API5: variants seen among roughly 807,000 people sequenced by gnomAD.
API5 encodes the protein FIF.
API5 carries 6 observed loss-of-function variants against 71.9 expected under a neutral mutation model. The observed-to-expected ratio is 0.08, with a 90% confidence interval of 0.05 to 0.16. The LOEUF is 0.16. Among genes scored for constraint, API5 ranks in the 10% least tolerant of loss-of-function variants. The pLI is 1.00. For synonymous variants in API5, 189 were observed against 221.3 expected (o/e 0.85, Z 1.30); for missense variants, 332 against 612.8 (o/e 0.54, Z 4.84).
chr11:43,336,367 T>G (rs1371948664), intron 13 of API5: 3 of 274,800 alleles, frequency 1.1e-5, no homozygotes, highest in African/African-American at 4.4e-5. Flanking sequence ...TTCTGAGAGA[T>G]AGTATAAATG....
intron 6 of API5, among the ~76,000 whole-genome samples, chr11:43,325,823 G>T (rs1386923980): frequency 6.6e-6 from 1 of 152,134 alleles, no homozygotes; most frequent in Non-Finnish European, 1.5e-5. Context: ...TAAGAGGAAG[G>T]GCTATGGCAG....
chr11:43,332,122 G>T (rs1433427946), intron 11 of API5: 1 of 152,076 alleles, frequency 6.6e-6, no homozygotes, highest in Non-Finnish European at 1.5e-5. Context: ...AGATGAATAG[G>T]GTCAGCAACC....
intron 1 of API5, among the ~76,000 whole-genome samples, chr11:43,318,142 C>T (rs369864413): frequency 1.3e-4 from 20 of 152,086 alleles, no homozygotes; most frequent in South Asian, 8.3e-4. Flanking sequence ...CCCGAGTAGC[C>T]GGGATTACAG....
chr11:43,328,664 T>G lies in API5; in HGVS notation c.946-48T>G, dbSNP rs146211461. 4.5e-5 allele frequency: 68 copies of G among 1,507,866 alleles called. No homozygotes were observed. The African/African-American group carries it at 5.8e-4, about 13-fold the overall frequency. 93.4% of individuals were successfully genotyped at this position (1,507,866 alleles called of 1,614,324 possible). ...AATTCCCTGAATATCTGTTTATAAT[T>G]TGAATATGTAGAACAGATTGCAAAA... On this transcript the variant is annotated intron_variant, in intron 8 of 13. Transcript: ENST00000531273.
chr11:43,318,507 C>G, intron 1 of API5, 133 bp from the exon 2 acceptor site: 1 of 1,543,122 alleles, frequency 6.5e-7, no homozygotes, highest in Non-Finnish European at 8.7e-7. Flanking sequence ...GAGCAGTAAA[C>G]CTCCCAAAAT....
At chr11:43,327,973 A>C in intron 8 of API5, 95 bp downstream of exon 8, 1 of 688,748 alleles carries the variant, frequency 1.5e-6, no homozygotes, top group Non-Finnish European at 2.2e-6. Flanking sequence ...AGTTTTTGAA[A>C]TTTCAATTAA....
chr11:43,320,719 A>T, intron 2 of API5, 102 bp from the exon 3 acceptor site: 1 of 1,025,160 alleles, frequency 9.8e-7, no homozygotes, highest in East Asian at 2.4e-5. Context: ...CAACAGAGCA[A>T]TACCTTGTCT....
At chr11:43,318,834 T>G in intron 2 of API5, 33 bp downstream of exon 2, 4 of 1,590,904 alleles carry the variant, frequency 2.5e-6, no homozygotes, top group Non-Finnish European at 3.4e-6. Flanking sequence ...ATAGCAATCT[T>G]TCAGATGTTT....
chr11:43,332,478 A>G (rs1855289752), intron 11 of API5, among the ~76,000 whole-genome samples: 2 of 152,168 alleles, frequency 1.3e-5, no homozygotes, highest in Non-Finnish European at 2.9e-5. Flanking sequence ...AGAGCAGCTT[A>G]TAGAACTCAG....
chr11:43,335,092 C>CA (rs543129991), intron 11 of API5, among the ~76,000 whole-genome samples, 186 bp from the exon 12 acceptor site: 44 of 152,256 alleles, frequency 2.9e-4, no homozygotes, highest in Non-Finnish European at 5.7e-4. Context: ...GTTATGTGCA[C>CA]AAAATTATGT....
chr11:43,324,634 G>A (rs1590360190), intron 6 of API5, among the ~76,000 whole-genome samples: 1 of 152,086 alleles, frequency 6.6e-6, no homozygotes, highest in East Asian at 1.9e-4. Context: ...GAAATGTGCA[G>A]TCTGAAAATC....
At position 43,328,703 on chromosome 11, in the gene API5, C is replaced by T; in HGVS notation, c.946-9C>T. ...CAGATTGCAAAATCTGTATATTTTT[C>T]TCTCTTAGGAATACATGCCCCTCCC... is the stretch of plus-strand genomic sequence containing the variant. On this transcript the variant is annotated splice_polypyrimidine_tract_variant and intron_variant, in intron 8 of 13. Coordinates refer to ENST00000531273, the MANE Select transcript of API5 (RefSeq NM_001142930.2). The T allele has an allele frequency of 1.2e-6, 2 of 1,609,062 alleles. No homozygotes were observed. The highest frequency in any genetic ancestry group is 1.3e-5 in the African/African-American group (1 of 74,708).
chr11:43,340,255 C>T, intron 13 of API5: 1 of 339,326 alleles, frequency 2.9e-6, no homozygotes. Flanking sequence ...AGGAAAACTA[C>T]AAAACACTGA....
chr11:43,330,470 T>G, intron 10 of API5, 38 bp from the exon 11 acceptor site: 1 of 1,419,044 alleles, frequency 7.0e-7, no homozygotes, highest in Non-Finnish European at 1.0e-6. Flanking sequence ...TCATAGAAGT[T>G]ATTGGCAATT....
Position 43,333,506 on chromosome 11 carries a change from G to C in API5, c.1279-1772G>C, listed in dbSNP as rs1047046461. Among the ~76,000 whole-genome samples, 11 of 152,130 alleles carry C rather than the reference G, an allele frequency of 7.2e-5. No homozygotes were observed. The East Asian group carries it at 2.1e-3, about 29-fold the overall frequency. On this transcript the variant is annotated intron_variant, in intron 11 of 13. Coordinates refer to ENST00000531273, the MANE Select transcript of API5 (RefSeq NM_001142930.2). Reference sequence around the variant, plus strand: ...AAAGAATGACATTTTCTATACAAAGGCTAACATAGATATATGACTGGCTAC... The same window carrying C: ...AAAGAATGACATTTTCTATACAAAGCCTAACATAGATATATGACTGGCTAC...
In API5 at chr11:43,319,823, A is replaced by C. The variant is rs77722758; in HGVS notation, c.232-998A>C. On this transcript the variant is annotated intron_variant, in intron 2 of 13. Coordinates refer to ENST00000531273, the MANE Select transcript of API5 (RefSeq NM_001142930.2). ...TTTAGTAGTCAATACTGAAAATTCT[A>C]AAGTAAACAGTTACTAGGTATAACA... 9.2e-3 allele frequency among the ~76,000 whole-genome samples: 1,399 copies of C among 152,358 alleles called. 22 individuals carry two copies. The highest frequency in any genetic ancestry group is 0.032 in the African/African-American group (1,348 of 41,574).
intron 7 of API5, 45 bp from the exon 8 acceptor site, chr11:43,327,744 C>A: frequency 7.3e-7 from 1 of 1,367,282 alleles, no homozygotes; most frequent in Admixed American, 1.9e-5. Flanking sequence ...ATTTCATAAC[C>A]CTTGCTTATT....
chr11:43,317,937 A>C (rs150022826), intron 1 of API5, among the ~76,000 whole-genome samples: 3 of 152,224 alleles, frequency 2.0e-5, no homozygotes, highest in African/African-American at 7.2e-5. Flanking sequence ...CGGCCTCCCA[A>C]AGTGTTGAGA....
At chr11:43,334,920 C>A (rs1163509715) in intron 11 of API5, among the ~76,000 whole-genome samples, 2 of 152,028 alleles carry the variant, frequency 1.3e-5, no homozygotes, top group South Asian at 4.1e-4. Context: ...CAGATTGCAC[C>A]ATTGTATTTT....
Sources: allele counts gnomAD v4.1 joint callset (sites outside exome capture counted in the v4.1 genomes callset), GRCh38; gene constraint gnomAD v4.1.1; transcripts MANE v1.5; gene names NCBI Gene and HGNC (gene_info 2026-07-23, HGNC 2026-07-21).